The following HDLBP variants were observed in gnomAD, a reference collection of about 807,000 sequenced individuals.
HDLBP encodes high density lipoprotein binding protein.
HDLBP carries 30 observed loss-of-function variants against 137.3 expected under a neutral mutation model. That is an observed-to-expected ratio of 0.22 (90% CI 0.16 to 0.30). The LOEUF is 0.30. Ranked by LOEUF, HDLBP falls within the 10% of genes least tolerant of loss-of-function variation. HDLBP has a pLI of 1.00. For missense variants in HDLBP, 1,119 were observed against 1,667.3 expected, an observed-to-expected ratio of 0.67 and a Z score of 5.73; for synonymous variants, 606 against 596.0, an observed-to-expected ratio of 1.02 and a Z score of -0.24.
chr2:241,277,668 AACTT>A (rs1027085292), intron 1 of HDLBP, among the ~76,000 whole-genome samples: 26 of 152,316 alleles, frequency 1.7e-4, no homozygotes, highest in Admixed American at 1.6e-3. Flanking sequence ...ACAAATATAA[AACTT>A]ACAACAAGGC....
intron 23 of HDLBP, among the ~76,000 whole-genome samples, chr2:241,234,409 T>TATG (rs2070154878): frequency 6.6e-6 from 1 of 152,120 alleles, no homozygotes. Context: ...AGGCTACAGG[T>TATG]ATGACCTGGC....
At chr2:241,235,623 G>T (rs775471513) in intron 21 of HDLBP, 29 bp from the exon 22 acceptor site, 13 of 1,519,514 alleles carry the variant, frequency 8.6e-6, no homozygotes, top group Middle Eastern at 1.7e-4. Context: ...TGGTTAGGCC[G>T]TGGGAGCTGA....
At position 241,230,446 on chromosome 2, in the gene HDLBP, G is replaced by A. The variant is rs575278515; in HGVS notation, c.3475-177C>T. 1.3e-5 allele frequency among the ~76,000 whole-genome samples: 2 copies of A among 152,364 alleles called. No homozygotes were observed. Among genetic ancestry groups the A allele is most frequent in the East Asian group, 3.9e-4 (2 of 5,192 alleles). ...ACACCAAGTTAGGTGTATCTCAGGA[G>A]CACCTTGTTCCCAGCAGACAGAGGG... On this transcript the variant is annotated intron_variant, in intron 25 of 27. Transcript: ENST00000310931. This position sits in a 1 kb window ranked among gnomAD's most constrained non-coding sequence, Gnocchi z 5.0.
At chr2:241,263,225 T>C (rs1486650132) in intron 4 of HDLBP, among the ~76,000 whole-genome samples, 2 of 152,160 alleles carry the variant, frequency 1.3e-5, no homozygotes, top group African/African-American at 2.4e-5. Flanking sequence ...AGGTGGACCC[T>C]GGGGACGGCC....
chr2:241,257,346 C>T (rs561395529), intron 5 of HDLBP, among the ~76,000 whole-genome samples: 154 of 152,342 alleles, frequency 1.0e-3, no homozygotes, highest in African/African-American at 3.5e-3. Flanking sequence ...GATTCTCCTG[C>T]CTCAGCCTCT....
intron 14 of HDLBP, 197 bp from the exon 15 acceptor site, chr2:241,247,339 G>A (rs531579519): frequency 2.5e-5 from 15 of 591,172 alleles, no homozygotes; most frequent in South Asian, 4.0e-5. Context: ...ACAGTCAATC[G>A]ATGCAAGTCT....
chr2:241,277,699 C>T (rs558856015), intron 1 of HDLBP, among the ~76,000 whole-genome samples: 40 of 152,322 alleles, frequency 2.6e-4, no homozygotes, highest in African/African-American at 8.7e-4. Flanking sequence ...AGGTGGCTCA[C>T]GCCTATAATC....
At chr2:241,242,112 T>C (rs998695128) in intron 17 of HDLBP, among the ~76,000 whole-genome samples, 18 of 151,952 alleles carry the variant, frequency 1.2e-4, no homozygotes, top group African/African-American at 4.4e-4. Flanking sequence ...TCTTTAGGGG[T>C]GATGGAAAAT....
At chr2:241,263,949 T>C (rs144794048) in intron 4 of HDLBP, among the ~76,000 whole-genome samples, 99 of 152,216 alleles carry the variant, frequency 6.5e-4, no homozygotes, top group Admixed American at 1.3e-3. Flanking sequence ...ATGATTTAAA[T>C]TGAAGGCCTT....
At chr2:241,280,085 A>C (rs2074540478) in intron 1 of HDLBP, 1 of 985,248 alleles carries the variant, frequency 1.0e-6, no homozygotes, top group South Asian at 4.7e-5. Flanking sequence ...TCTTATAGGA[A>C]GTTATTGGCA....
chr2:241,267,739 T>C, intron 2 of HDLBP: 1 of 1,532,538 alleles, frequency 6.5e-7, no homozygotes, highest in East Asian at 2.5e-5. Context: ...GCCTCAGTGC[T>C]TTGTAGCAAC....
At position 241,230,736 on chromosome 2, in the gene HDLBP, C is replaced by T. The variant is rs948187362; in HGVS notation, c.3474+23G>A. The T allele has an allele frequency of 4.2e-5, 67 of 1,609,920 alleles. No homozygotes were observed. Among genetic ancestry groups the T allele is most frequent in the Non-Finnish European group, 5.5e-5 (65 of 1,176,604 alleles). The stretch of plus-strand genomic sequence containing the variant: ...CCCCCGGTGAGAGAGGATTCTCACC[C>T]ACTGTGCTTCCAGCCGGCTCACCTT... On this transcript the variant is annotated intron_variant, in intron 25 of 27. Coordinates refer to ENST00000310931, the MANE Select transcript of HDLBP (RefSeq NM_005336.6). This position sits in a 1 kb window ranked among gnomAD's most constrained non-coding sequence, Gnocchi z 5.0.
intron 1 of HDLBP, among the ~76,000 whole-genome samples, chr2:241,278,625 C>T (rs2074485641): frequency 6.6e-6 from 1 of 151,908 alleles, no homozygotes; most frequent in South Asian, 2.1e-4. Context: ...ACTAATTAAC[C>T]CATTCCTAAT....
chr2:241,252,661 C>G (rs2072287328), intron 11 of HDLBP, among the ~76,000 whole-genome samples: 1 of 152,248 alleles, frequency 6.6e-6, no homozygotes, highest in African/African-American at 2.4e-5. Context: ...ATAGAGAATG[C>G]TGCCCTTGGG....
intron 11 of HDLBP, among the ~76,000 whole-genome samples, chr2:241,251,731 T>C (rs993881829): frequency 5.9e-5 from 9 of 152,206 alleles, no homozygotes; most frequent in Admixed American, 2.6e-4. Context: ...TCCCAGCACT[T>C]TGGGAGGCCG....
At chr2:241,302,058 G>C (rs553701344) in intron 1 of HDLBP, among the ~76,000 whole-genome samples, 25 of 147,212 alleles carry the variant, frequency 1.7e-4, no homozygotes, top group African/African-American at 6.3e-4. Context: ...TAGCAAAACA[G>C]AGTGAGACCC....
Position 241,227,975 on chromosome 2 carries a change from T to TAA in HDLBP, c.*1624_*1625dup, listed in dbSNP as rs758435491. 1 of 152,236 alleles carries TAA rather than the reference T, an allele frequency of 6.6e-6. No individual in the cohort carries two copies. The highest frequency in any genetic ancestry group is 1.5e-5 in the Non-Finnish European group (1 of 68,050). The allele number at this position is 152,236 out of a possible 1,614,324, so 9.4% of individuals were successfully genotyped here. On this transcript the variant is annotated 3_prime_UTR_variant, in exon 28 of 28. Transcript: ENST00000310931. ...TTCCAATCCCAATTTACCATTCCTG[T>TAA]AAACAGGCCCATTCAGGGCTGCCTG...
chr2:241,289,242 C>T (rs1031873675), intron 1 of HDLBP, among the ~76,000 whole-genome samples: 4 of 152,216 alleles, frequency 2.6e-5, no homozygotes, highest in Non-Finnish European at 5.9e-5. Flanking sequence ...GCTGACACTG[C>T]TTGGCACATC....
intron 1 of HDLBP, 142 bp from the exon 2 acceptor site, chr2:241,268,683 A>G (rs900962666): frequency 1.1e-5 from 2 of 178,714 alleles, no homozygotes; most frequent in Admixed American, 6.5e-5. Flanking sequence ...ACCAATACTC[A>G]GGCAAGTTTC....
Sources: allele counts gnomAD v4.1 joint callset (sites outside exome capture counted in the v4.1 genomes callset), GRCh38; gene constraint gnomAD v4.1.1; non-coding constraint Gnocchi (gnomAD v3.1); transcripts MANE v1.5; gene names NCBI Gene and HGNC (gene_info 2026-07-23, HGNC 2026-07-21).